MRPS35: variants seen among roughly 807,000 people sequenced by gnomAD.
The protein encoded by MRPS35 is mitochondrial ribosomal protein S35, also known as small ribosomal subunit protein mS35.
Under a neutral mutation model 32.7 loss-of-function variants are expected in MRPS35, and 29 were observed. The ratio of observed to expected loss-of-function variants is 0.89; its 90% CI spans 0.66 to 1.21. MRPS35 has a LOEUF of 1.21. MRPS35 is among the 50% of genes most tolerant of loss of function. The probability of loss-of-function intolerance (pLI) is 0.00; values close to 1 mark genes in which losing one functional copy is unlikely to be tolerated. For synonymous variants in MRPS35, 148 were observed against 139.3 expected, an observed-to-expected ratio of 1.06 and a Z score of -0.44; for missense variants, 373 against 383.8, an observed-to-expected ratio of 0.97 and a Z score of 0.23.
chr12:27,755,820 G>A lies in MRPS35; in HGVS notation c.*370G>A, dbSNP rs949910878. The stretch of plus-strand genomic sequence containing the variant: ...AATAATGGTTTTGGTTACCTGGGAA[G>A]GCAGGCCCAGAACCCATTTCCTTGA... On this transcript the variant is annotated 3_prime_UTR_variant, in exon 8 of 8. Coordinates refer to ENST00000081029, the MANE Select transcript of MRPS35 (RefSeq NM_021821.4). 1.7e-4 allele frequency: 26 copies of A among 157,342 alleles called. No homozygotes were observed. Among genetic ancestry groups the A allele is most frequent in the Non-Finnish European group, 3.5e-4 (25 of 72,014 alleles). 9.7% of individuals were successfully genotyped at this position (157,342 alleles called of 1,614,324 possible).
chr12:27,743,669 A>G (rs1006067323), intron 7 of MRPS35, among the ~76,000 whole-genome samples: 2 of 152,270 alleles, frequency 1.3e-5, no homozygotes, highest in African/African-American at 4.8e-5. Flanking sequence ...GAGGTGTAAT[A>G]ATAAATATCA....
chr12:27,755,133 A>G (rs747927543), intron 7 of MRPS35, 48 bp from the exon 8 acceptor site: 1 of 1,461,898 alleles, frequency 6.8e-7, no homozygotes, highest in East Asian at 2.4e-5. Context: ...AACATTTGAT[A>G]TTTCTCAGAA....
intron 7 of MRPS35, among the ~76,000 whole-genome samples, chr12:27,747,654 A>G (rs1403073396): frequency 1.3e-5 from 2 of 152,206 alleles, no homozygotes; most frequent in Non-Finnish European, 2.9e-5. Context: ...GAATATTACT[A>G]TGATTCATGT....
intron 1 of MRPS35, 111 bp from the exon 2 acceptor site, chr12:27,714,669 G>A (rs938726760): frequency 9.8e-5 from 58 of 590,084 alleles, no homozygotes; most frequent in Non-Finnish European, 1.4e-4. Flanking sequence ...TCATTGTTAT[G>A]TTACTAAATA....
At chr12:27,738,913 CTTT>C (rs60150957) in intron 7 of MRPS35, among the ~76,000 whole-genome samples, 2 of 139,798 alleles carry the variant, frequency 1.4e-5, no homozygotes. Context: ...TTACTGAGAA[CTTT>C]TTTTTTTTTT....
chr12:27,742,584 G>C (rs1391921935), intron 7 of MRPS35, among the ~76,000 whole-genome samples: 1 of 152,152 alleles, frequency 6.6e-6, no homozygotes, highest in Non-Finnish European at 1.5e-5. Flanking sequence ...AACTTTCTAG[G>C]CCTTGTGGGT....
At chr12:27,724,668 G>A (rs1005405645) in intron 5 of MRPS35, among the ~76,000 whole-genome samples, 1 of 151,996 alleles carries the variant, frequency 6.6e-6, no homozygotes, top group Non-Finnish European at 1.5e-5. Context: ...GCTTGAACCC[G>A]GGAGGCAGAG....
chr12:27,733,344 G>T (rs931782303), intron 5 of MRPS35, among the ~76,000 whole-genome samples: 2 of 152,094 alleles, frequency 1.3e-5, no homozygotes, highest in Non-Finnish European at 2.9e-5. Context: ...TAATGTTAAT[G>T]TGAGTTTTAA....
intron 3 of MRPS35, among the ~76,000 whole-genome samples, chr12:27,716,986 G>C (rs1415596179): frequency 6.7e-6 from 1 of 149,410 alleles, no homozygotes; most frequent in Non-Finnish European, 1.5e-5. Context: ...GTGAGACTCT[G>C]TCTCAGGAAA....
chr12:27,714,477 T>C (rs1277500029), intron 1 of MRPS35, among the ~76,000 whole-genome samples: 1 of 151,842 alleles, frequency 6.6e-6, no homozygotes, highest in Non-Finnish European at 1.5e-5. Flanking sequence ...TCGCAGCTAC[T>C]TGGGAGGCTG....
chr12:27,754,634 G>A (rs949087807), intron 7 of MRPS35, among the ~76,000 whole-genome samples: 5 of 152,004 alleles, frequency 3.3e-5, no homozygotes, highest in African/African-American at 1.2e-4. Flanking sequence ...AGGCATGGTG[G>A]TGGGCGCCTG....
intron 6 of MRPS35, 23 bp downstream of exon 6, chr12:27,735,579 G>A (rs753559318): frequency 3.2e-6 from 5 of 1,541,906 alleles, no homozygotes; most frequent in South Asian, 1.1e-5. Flanking sequence ...ATGTTCAGCC[G>A]ACTGGTCACG....
intron 3 of MRPS35, among the ~76,000 whole-genome samples, chr12:27,717,266 A>G (rs1482331771): frequency 6.6e-6 from 1 of 152,242 alleles, no homozygotes; most frequent in Non-Finnish European, 1.5e-5. Context: ...TTGGGAGGTG[A>G]AACTTCCAGT....
intron 6 of MRPS35, among the ~76,000 whole-genome samples, chr12:27,736,500 CTT>C (rs61685175): frequency 3.8e-4 from 55 of 144,830 alleles, no homozygotes; most frequent in Admixed American, 6.8e-4. Context: ...AATAATGTTG[CTT>C]TTTTTTTTTT....
intron 7 of MRPS35, among the ~76,000 whole-genome samples, chr12:27,741,061 G>A (rs1206096982): frequency 1.3e-5 from 2 of 151,956 alleles, no homozygotes. Context: ...CCAGCTACTC[G>A]GGAGACTGAG....
intron 7 of MRPS35, among the ~76,000 whole-genome samples, chr12:27,737,887 T>C (rs1230452508): frequency 6.6e-6 from 1 of 152,196 alleles, no homozygotes; most frequent in Non-Finnish European, 1.5e-5. Flanking sequence ...TGACTTTGGG[T>C]GAAAGTTGTC....
intron 7 of MRPS35, among the ~76,000 whole-genome samples, chr12:27,746,384 A>G (rs1198918044): frequency 1.3e-5 from 2 of 152,190 alleles, no homozygotes; most frequent in African/African-American, 4.8e-5. Context: ...GGAATGCTCA[A>G]CCAGTCAGTA....
At chr12:27,730,446 ATTTGT>A (rs2061917513) in intron 5 of MRPS35, among the ~76,000 whole-genome samples, 2 of 151,942 alleles carry the variant, frequency 1.3e-5, no homozygotes, top group African/African-American at 4.8e-5. Flanking sequence ...TATTAAGATG[ATTTGT>A]TTTGTTTGTT....
chr12:27,727,593 C>CA (rs1404799969), intron 5 of MRPS35, among the ~76,000 whole-genome samples: 1 of 151,938 alleles, frequency 6.6e-6, no homozygotes, highest in Admixed American at 6.6e-5. Context: ...ATGTCTTTGT[C>CA]AAAAAATATT....
Sources: gnomAD v4.1 joint callset for allele counts (sites outside exome capture counted in the v4.1 genomes callset) on GRCh38, gnomAD v4.1.1 for gene constraint, MANE v1.5 for transcripts, NCBI Gene and HGNC (gene_info 2026-07-23, HGNC 2026-07-21) for gene names.